NAALADL2: variants seen among roughly 807,000 people sequenced by gnomAD.
NAALADL2 encodes the protein inactive N-acetylated-alpha-linked acidic dipeptidase-like protein 2.
A neutral mutation model predicts 87.2 loss-of-function variants in NAALADL2; 76 were observed. The observed-to-expected ratio is 0.87, with a 90% CI of 0.72 to 1.05. NAALADL2 has a LOEUF of 1.05. NAALADL2 is among the 50% of genes least tolerant of loss of function. The pLI is 0.00. For missense variants in NAALADL2, 1,089 were observed against 945.8 expected (o/e 1.15, Z -1.99); for synonymous variants, 354 against 331.0 (o/e 1.07, Z -0.75).
chr3:175,631,765 A>G (rs1273414960), intron 11 of NAALADL2, among the ~76,000 whole-genome samples: 1 of 151,994 alleles, frequency 6.6e-6, no homozygotes, highest in Non-Finnish European at 1.5e-5. Flanking sequence ...TAATCCTTTA[A>G]TGAGTGATTA....
At chr3:175,030,802 G>A (rs1180501623) in intron 1 of NAALADL2, among the ~76,000 whole-genome samples, 1 of 151,996 alleles carries the variant, frequency 6.6e-6, no homozygotes, top group Non-Finnish European at 1.5e-5. Flanking sequence ...TTTGTTCAAT[G>A]TATTTAGTTT....
chr3:175,281,070 G>A (rs756961891), intron 4 of NAALADL2, among the ~76,000 whole-genome samples: 1 of 150,104 alleles, frequency 6.7e-6, no homozygotes, highest in African/African-American at 2.4e-5. Flanking sequence ...TCTCAGTTTT[G>A]TTTTTCTTTT....
chr3:175,226,235 CA>C (rs1205107013), intron 2 of NAALADL2, among the ~76,000 whole-genome samples: 1 of 152,084 alleles, frequency 6.6e-6, no homozygotes, highest in Admixed American at 6.6e-5. Context: ...GATTTTTAAA[CA>C]GAATGTATAA....
At chr3:174,953,345 C>T (rs1483278189) in intron 1 of NAALADL2, among the ~76,000 whole-genome samples, 4 of 106,460 alleles carry the variant, frequency 3.8e-5, no homozygotes, top group South Asian at 8.1e-4. Context: ...CCTCCCCTCC[C>T]CTCCTCTTTC....
intron 3 of NAALADL2, among the ~76,000 whole-genome samples, chr3:174,758,316 T>C: frequency 6.6e-6 from 1 of 152,248 alleles, no homozygotes. Flanking sequence ...TTTGGAACCC[T>C]GTGCCAACAT....
chr3:175,011,886 T>C (rs1435010574), intron 1 of NAALADL2, among the ~76,000 whole-genome samples: 2 of 152,112 alleles, frequency 1.3e-5, no homozygotes, highest in Non-Finnish European at 1.5e-5. Context: ...TTTAATAAAA[T>C]TAAGTAGTAT....
chr3:174,797,468 G>A (rs1332780881), intron 3 of NAALADL2, among the ~76,000 whole-genome samples: 1 of 151,430 alleles, frequency 6.6e-6, no homozygotes, highest in African/African-American at 2.4e-5. Context: ...CTTCCACCAC[G>A]CCTGGCTAAT....
At chr3:174,674,194 A>G (rs1022305110) in intron 2 of NAALADL2, among the ~76,000 whole-genome samples, 1 of 151,932 alleles carries the variant, frequency 6.6e-6, no homozygotes, top group Non-Finnish European at 1.5e-5. Flanking sequence ...GGTGCCACAC[A>G]CTTTTAAACA....
Position 175,579,451 on chromosome 3 carries a change from A to G in NAALADL2, c.1800+3264A>G, listed in dbSNP as rs545574426. On this transcript the variant is annotated intron_variant, in intron 10 of 13. Transcript: ENST00000454872. ...TTACCTGTAGTTTCTCTGGATGCAA[A>G]CACATTGCATAAAATTGCTTAAAAC... Among the ~76,000 whole-genome samples, 5 of 152,318 alleles carry G rather than the reference A, an allele frequency of 3.3e-5. No individual in the cohort carries two copies. In the East Asian group the frequency reaches 9.6e-4, roughly 29 times the overall value.
intron 13 of NAALADL2, among the ~76,000 whole-genome samples, chr3:175,783,293 G>T (rs1039180424): frequency 6.6e-6 from 1 of 151,926 alleles, no homozygotes; most frequent in Non-Finnish European, 1.5e-5. Flanking sequence ...AAATTACCTT[G>T]GGCAGTATGG....
chr3:175,671,545 C>T (rs1019291353), intron 11 of NAALADL2, among the ~76,000 whole-genome samples: 4 of 151,754 alleles, frequency 2.6e-5, no homozygotes, highest in African/African-American at 9.7e-5. Context: ...TCTTGTTTGC[C>T]CCAAAGAGTT....
At chr3:175,293,044 A>G (rs923451259) in intron 4 of NAALADL2, among the ~76,000 whole-genome samples, 1 of 144,272 alleles carries the variant, frequency 6.9e-6, no homozygotes, top group Non-Finnish European at 1.5e-5. Flanking sequence ...CTCAAAAAAA[A>G]AAAAAAAAAA....
At chr3:175,213,711 C>T (rs140661650) in intron 2 of NAALADL2, among the ~76,000 whole-genome samples, 1 of 152,100 alleles carries the variant, frequency 6.6e-6, no homozygotes, top group Admixed American at 6.6e-5. Flanking sequence ...ACCATAGCAA[C>T]CCATTAATAT....
intron 2 of NAALADL2, among the ~76,000 whole-genome samples, chr3:175,130,684 T>C (rs115033091): frequency 6.6e-6 from 1 of 152,358 alleles, no homozygotes; most frequent in African/African-American, 2.4e-5. Flanking sequence ...GATAGAATTA[T>C]GTATTTGTTT....
intron 9 of NAALADL2, among the ~76,000 whole-genome samples, chr3:175,518,822 G>A (rs896681803): frequency 2.0e-5 from 3 of 152,150 alleles, no homozygotes; most frequent in Non-Finnish European, 2.9e-5. Flanking sequence ...CCACAGTGGG[G>A]ATTAAGTTTC....
intron 1 of NAALADL2, among the ~76,000 whole-genome samples, chr3:175,006,635 TAGG>T (rs1414117088): frequency 6.8e-6 from 1 of 147,488 alleles, no homozygotes; most frequent in African/African-American, 2.7e-5. Context: ...GAGTTCGAGG[TAGG>T]AGGAAAGCAG....
intron 1 of NAALADL2, among the ~76,000 whole-genome samples, chr3:174,923,456 G>T (rs1348357736): frequency 6.6e-6 from 1 of 151,832 alleles, no homozygotes; most frequent in African/African-American, 2.4e-5. Flanking sequence ...AAAAGTAGAA[G>T]AAAAGAGAGA....
intron 2 of NAALADL2, among the ~76,000 whole-genome samples, chr3:175,195,986 T>C (rs999954116): frequency 1.3e-5 from 2 of 151,898 alleles, no homozygotes; most frequent in African/African-American, 2.4e-5. Flanking sequence ...AAGTAGATTA[T>C]TTTAATGCCT....
intron 3 of NAALADL2, among the ~76,000 whole-genome samples, chr3:174,759,684 T>A (rs955935822): frequency 1.3e-5 from 2 of 152,106 alleles, no homozygotes; most frequent in East Asian, 3.9e-4. Flanking sequence ...TCTGATACTA[T>A]CAAATACAAT....
Sources: gnomAD v4.1 joint callset for allele counts (sites outside exome capture counted in the v4.1 genomes callset) on GRCh38, gnomAD v4.1.1 for gene constraint, MANE v1.5 for transcripts, NCBI Gene and HGNC (gene_info 2026-07-23, HGNC 2026-07-21) for gene names.